Variants in PHF12 observed in about 807,000 individuals in gnomAD.
PHF12 encodes the protein PHD factor 1.
PHF12 carries 6 observed loss-of-function variants against 99.8 expected under a neutral mutation model. That is an observed-to-expected ratio of 0.06 (90% CI 0.03 to 0.12). The LOEUF is 0.12. Among genes scored for constraint, PHF12 ranks in the 10% least tolerant of loss-of-function variants. The probability of loss-of-function intolerance (pLI) is 1.00; values close to 1 mark genes in which losing one functional copy is unlikely to be tolerated. For synonymous variants in PHF12, 480 were observed against 514.9 expected, an observed-to-expected ratio of 0.93 and a Z score of 0.92; for missense variants, 954 against 1,300.1, an observed-to-expected ratio of 0.73 and a Z score of 4.09.
At chr17:28,910,991 T>C in intron 10 of PHF12, 121 bp downstream of exon 10, 1 of 1,380,420 alleles carries the variant, frequency 7.2e-7, no homozygotes, top group Non-Finnish European at 9.8e-7. Flanking sequence ...CATTCCCATC[T>C]CCCCCTAGGC....
chr17:28,944,522 T>C, intron 2 of PHF12: 1 of 984,080 alleles, frequency 1.0e-6, no homozygotes, highest in Non-Finnish European at 1.2e-6. Flanking sequence ...CATATTTAGG[T>C]GGACCAGTAA....
At chr17:28,947,024 C>T (rs186368421) in intron 2 of PHF12, among the ~76,000 whole-genome samples, 3 of 152,130 alleles carry the variant, frequency 2.0e-5, no homozygotes, top group Non-Finnish European at 4.4e-5. Context: ...TACTCTGTCA[C>T]CTAGGCTGGG....
In PHF12 at chr17:28,944,580, G is replaced by A. The variant is rs982944625; in HGVS notation, c.248+5485C>T. 1.5e-5 allele frequency: 14 copies of A among 910,770 alleles called. No individual in the cohort carries two copies. The East Asian group carries it at 1.2e-3, about 77-fold the overall frequency. The allele number at this position is 910,770 out of a possible 1,614,324, so 56.4% of individuals were successfully genotyped here. A position where few individuals can be genotyped will look rare whatever the true frequency, so the allele number is the denominator to read the frequency against. ...GAGAATCACTTGAACCTGGAAGGCG[G>A]AGATTGCAGTGAACTGAGATCACAC... is the stretch of plus-strand genomic sequence containing the variant. On this transcript the variant is annotated intron_variant, in intron 2 of 14. Transcript: ENST00000332830.
In PHF12 at chr17:28,905,460, T is replaced by C. The variant is rs1015389833; in HGVS notation, c.*723A>G. On this transcript the variant is annotated 3_prime_UTR_variant, in exon 15 of 15. Transcript: ENST00000332830. ...AAAACATTTTTGCTACAATAGACAATTTGAGAAAACGCTCTACCACATGTA... is the reference window on the plus strand; with the variant it reads ...AAAACATTTTTGCTACAATAGACAACTTGAGAAAACGCTCTACCACATGTA... 3.3e-5 allele frequency: 5 copies of C among 152,538 alleles called. No homozygotes were observed. The highest frequency in any genetic ancestry group is 3.4e-3 in the Middle Eastern group (1 of 296). 9.4% of individuals were successfully genotyped at this position (152,538 alleles called of 1,614,324 possible).
Position 28,949,552 on chromosome 17 carries a change from C to T in PHF12, c.248+513G>A, listed in dbSNP as rs1234709625. The stretch of plus-strand genomic sequence containing the variant: ...GGTCGCCATATTGTAAACAGAGAGG[C>T]AAAGAAGAGGCGGACTCGAGAGACA... On this transcript the variant is annotated intron_variant, in intron 2 of 14. Transcript: ENST00000332830. The surrounding 1 kb of genome is among the most constrained non-coding windows in gnomAD (Gnocchi z 4.6). 1 of 153,802 alleles carries T rather than the reference C, an allele frequency of 6.5e-6. No homozygotes were observed. Among genetic ancestry groups the T allele is most frequent in the Non-Finnish European group, 1.4e-5 (1 of 69,076 alleles). 9.5% of individuals were successfully genotyped at this position (153,802 alleles called of 1,614,324 possible).
chr17:28,941,024 AG>A (rs2040604102), intron 2 of PHF12, among the ~76,000 whole-genome samples: 1 of 138,952 alleles, frequency 7.2e-6, no homozygotes, highest in African/African-American at 2.7e-5. Context: ...AGCCCAGTGG[AG>A]GGGGGAAAAC....
Position 28,906,924 on chromosome 17 carries a change from C to A in PHF12, c.2612G>T (p.Cys871Phe). The change falls in exon 14 of 15, where the codon TGT (cysteine) becomes TTT (phenylalanine). Residue 871 changes from cysteine (C) to phenylalanine (F), a missense_variant. Cys to Phe is a radical substitution (Grantham distance 205). Coordinates refer to ENST00000332830, the MANE Select transcript of PHF12 (RefSeq NM_001033561.2). The surrounding 1 kb of genome is among the most constrained non-coding windows in gnomAD (Gnocchi z 4.2). ...TGGCGGGGTCTTCTCCGAGAAGTCACATGAATACAGCACATTGTCCACCGT... is the reference window on the plus strand; with the variant it reads ...TGGCGGGGTCTTCTCCGAGAAGTCAAATGAATACAGCACATTGTCCACCGT... Reference protein sequence around the residue: ...GTTVDNVLYSCDFSEKTPPTP... With the variant: ...GTTVDNVLYSFDFSEKTPPTP... 6.2e-7 allele frequency: 1 copy of A among 1,613,576 alleles called. No homozygotes were observed. Among genetic ancestry groups the A allele is most frequent in the Non-Finnish European group, 8.5e-7 (1 of 1,179,760 alleles).
chr17:28,911,804 G>A (rs1004893975), intron 9 of PHF12, among the ~76,000 whole-genome samples: 5 of 152,178 alleles, frequency 3.3e-5, no homozygotes, highest in Non-Finnish European at 7.4e-5. Flanking sequence ...ACCTGGTTCA[G>A]ATGCTGGGGT....
In PHF12 at chr17:28,907,121, T is replaced by C. The variant is rs957046366; in HGVS notation, c.2542-127A>G. On this transcript the variant is annotated intron_variant, in intron 13 of 14. Transcript: ENST00000332830. Reference sequence around the variant, plus strand: ...GAGTCCTTACTTGCCTCCCCAGTCATGGCCCCTGTCCTTTCAGAAGGGGGC... The same window carrying C: ...GAGTCCTTACTTGCCTCCCCAGTCACGGCCCCTGTCCTTTCAGAAGGGGGC... 5.3e-6 allele frequency: 6 copies of C among 1,138,436 alleles called. No individual in the cohort carries two copies. In the African/African-American group the frequency reaches 7.8e-5, roughly 15 times the overall value. 70.5% of individuals were successfully genotyped at this position (1,138,436 alleles called of 1,614,324 possible).
intron 6 of PHF12, among the ~76,000 whole-genome samples, chr17:28,918,513 C>G (rs1052646161): frequency 6.6e-6 from 1 of 152,234 alleles, no homozygotes; most frequent in Non-Finnish European, 1.5e-5. Context: ...CCATGGTTAT[C>G]ATCATTTGAC....
chr17:28,915,348 G>A (rs2040042812), intron 7 of PHF12, among the ~76,000 whole-genome samples: 1 of 152,228 alleles, frequency 6.6e-6, no homozygotes, highest in African/African-American at 2.4e-5. Flanking sequence ...GGACTGAGTA[G>A]TGATCATTGT....
intron 7 of PHF12, among the ~76,000 whole-genome samples, chr17:28,916,539 C>T (rs1480921214): frequency 2.0e-5 from 3 of 152,300 alleles, no homozygotes; most frequent in African/African-American, 7.2e-5. Flanking sequence ...AGTGGCCATA[C>T]TTGAGAAGTG....
chr17:28,913,218 C>G lies in PHF12; in HGVS notation c.1353G>C (p.Gln451His). Residue 451 changes from glutamine (Q) to histidine (H), a missense_variant, in exon 9 of 15, where the codon CAG becomes CAC. Physicochemically the swap from Gln to His is conservative, Grantham distance 24 (BLOSUM62 0). This residue lies in a region of PHF12 where 392 missense variants were observed against 423.1 expected (regional missense o/e 0.93). Coordinates refer to ENST00000332830, the MANE Select transcript of PHF12 (RefSeq NM_001033561.2). ...CSILKHLSAK[Q>H]MPSHWDSEQT... ...GTTCAGAGTCCCAATGCGAAGGCAT[C>G]TGCTTAGCAGATAAATGTTTCAATA... is the stretch of plus-strand genomic sequence containing the variant. The G allele has an allele frequency of 6.2e-7, 1 of 1,614,128 alleles. No individual in the cohort carries two copies. Among genetic ancestry groups the G allele is most frequent in the Non-Finnish European group, 8.5e-7 (1 of 1,180,018 alleles).
At chr17:28,911,300 C>A in intron 9 of PHF12, 63 bp from the exon 10 acceptor site, 1 of 1,600,928 alleles carries the variant, frequency 6.2e-7, no homozygotes, top group East Asian at 2.2e-5. Context: ...GTCCAATCCC[C>A]CACTGCTGAG....
In PHF12 at chr17:28,913,026, T is replaced by A; in HGVS notation, c.1545A>T (p.Pro515=). ...SLSCSPPHQS[P]ALEDIGCSSC... ...AACTGCAGCCGATGTCCTCTAGGGC[T>A]GGGGACTGGTGGGGTGGAGAGCAGC... The change falls in exon 9 of 15, where the codon CCA becomes CCT. Residue 515 remains proline, a synonymous_variant. Transcript: ENST00000332830. 6.2e-7 allele frequency: 1 copy of A among 1,614,144 alleles called. No homozygotes were observed. Among genetic ancestry groups the A allele is most frequent in the Non-Finnish European group, 8.5e-7 (1 of 1,180,004 alleles).
rs1173859657 is a variant in PHF12, at chr17:28,905,951, G to A, written c.*232C>T. ...CGCTGTTCCTCAGCTCAGGTCTGCC[G>A]CTTTCCCATGAAATGTTGAGTACAA... On this transcript the variant is annotated 3_prime_UTR_variant, in exon 15 of 15. Coordinates refer to ENST00000332830, the MANE Select transcript of PHF12 (RefSeq NM_001033561.2). The A allele has an allele frequency of 5.8e-5, 26 of 448,402 alleles. No homozygotes were observed. Among genetic ancestry groups the A allele is most frequent in the South Asian group, 8.9e-5 (2 of 22,348 alleles). 27.8% of individuals were successfully genotyped at this position (448,402 alleles called of 1,614,324 possible). A position where few individuals can be genotyped will look rare whatever the true frequency, so the allele number is the denominator to read the frequency against.
Position 28,951,028 on chromosome 17 carries a change from A to G in PHF12, c.-68T>C. 6.2e-7 allele frequency: 1 copy of G among 1,606,770 alleles called. No individual in the cohort carries two copies. Among genetic ancestry groups the G allele is most frequent in the East Asian group, 2.2e-5 (1 of 44,552 alleles). ...CAACCCCGGGGGGAGGGGGGAGGTGAGGGGAGGGGGCGCTCCTGACCCCGG... is the reference window on the plus strand; with the variant it reads ...CAACCCCGGGGGGAGGGGGGAGGTGGGGGGAGGGGGCGCTCCTGACCCCGG... On this transcript the variant is annotated 5_prime_UTR_variant, in exon 1 of 15. Transcript: ENST00000332830.
At chr17:28,927,159 G>A in intron 2 of PHF12, 96 bp from the exon 3 acceptor site, 1 of 1,144,968 alleles carries the variant, frequency 8.7e-7, no homozygotes, top group South Asian at 1.4e-5. Flanking sequence ...CTCCTATTGT[G>A]GCCAGTCCTG....
chr17:28,909,124 A>C, intron 11 of PHF12: 1 of 515,906 alleles, frequency 1.9e-6, no homozygotes. Flanking sequence ...GTCAGAGATG[A>C]CAGTACTGTG....
Sources: allele counts gnomAD v4.1 joint callset (sites outside exome capture counted in the v4.1 genomes callset), GRCh38; gene constraint gnomAD v4.1.1; regional missense constraint gnomAD v4.1.1; non-coding constraint Gnocchi (gnomAD v3.1); transcripts MANE v1.5; gene names NCBI Gene and HGNC (gene_info 2026-07-23, HGNC 2026-07-21).